Variants in SLC35B1 observed in about 807,000 individuals in gnomAD.
SLC35B1 encodes solute carrier family 35 member B1.
In SLC35B1, 27 loss-of-function variants were observed where a neutral mutation model predicts 36.6. That is an observed-to-expected ratio of 0.74 (90% CI 0.54 to 1.02). SLC35B1 has a LOEUF of 1.02. Among genes scored for constraint, SLC35B1 ranks in the 50% least tolerant of loss-of-function variants. The probability of loss-of-function intolerance (pLI) is 0.00; values close to 1 mark genes in which losing one functional copy is unlikely to be tolerated. For synonymous variants in SLC35B1, 162 were observed against 152.5 expected, an observed-to-expected ratio of 1.06 and a Z score of -0.46; for missense variants, 321 against 383.2, an observed-to-expected ratio of 0.84 and a Z score of 1.35.
At chr17:49,703,349 CACACA>C (rs2073376232) in intron 6 of SLC35B1, 55 bp from the exon 7 acceptor site, 2 of 7,534 alleles carry the variant, frequency 2.7e-4, no homozygotes, top group African/African-American at 1.8e-3. Context: ...AAAATGTGCG[CACACA>C]CACACACACA....
chr17:49,704,163 G>A lies in SLC35B1; in HGVS notation c.592C>T (p.Gln198Ter). ...AGCATCATGTGGTTGGAGCCTGTTTGGTAATGAGCCCGCATGTGGTCCTGG... is the reference window on the plus strand; with the variant it reads ...AGCATCATGTGGTTGGAGCCTGTTTAGTAATGAGCCCGCATGTGGTCCTGG... ...VSQDHMRAHY[Q>*]TGSNHMMLNI... The change falls in exon 6 of 9, where the codon CAA (glutamine) becomes TAA (stop). Residue 198 changes from glutamine to a stop codon, truncating the protein, a stop_gained. Transcript: ENST00000240333. LOFTEE classifies it high-confidence loss of function. 6.2e-7 allele frequency: 1 copy of A among 1,614,154 alleles called. No individual in the cohort carries two copies. The highest frequency in any genetic ancestry group is 8.5e-7 in the Non-Finnish European group (1 of 1,180,018).
At chr17:49,701,636 A>G (rs2073352327) in intron 8 of SLC35B1, 126 bp from the exon 9 acceptor site, 2 of 695,602 alleles carry the variant, frequency 2.9e-6, no homozygotes, top group Non-Finnish European at 5.1e-6. Context: ...TACATGTCAG[A>G]ACACTGGTTT....
At chr17:49,704,644 G>A (rs74841308) in intron 5 of SLC35B1, among the ~76,000 whole-genome samples, 3,779 of 152,238 alleles carry the variant, frequency 0.025, 152 homozygotes, top group African/African-American at 0.085. Flanking sequence ...ATGGGCAAGC[G>A]AGTTAACTTC....
chr17:49,702,605 G>A, intron 8 of SLC35B1: 2 of 379,898 alleles, frequency 5.3e-6, no homozygotes, highest in Admixed American at 3.8e-5. Flanking sequence ...GGTGGTGCAT[G>A]CCTGTAATCC....
intron 4 of SLC35B1, chr17:49,705,603 C>A (rs943792949): frequency 3.4e-6 from 2 of 593,982 alleles, no homozygotes; most frequent in African/African-American, 3.7e-5. Context: ...TGTCTAATGA[C>A]AATATAAACA....
upstream of SLC35B1, chr17:49,708,005 C>A: frequency 7.1e-7 from 1 of 1,408,208 alleles, no homozygotes; most frequent in South Asian, 1.3e-5. Flanking sequence ...ACTGCCGGCT[C>A]ATGGCTGCCA....
At chr17:49,707,214 TGCAAAA>T in intron 1 of SLC35B1, 146 bp from the exon 2 acceptor site, 1 of 1,355,010 alleles carries the variant, frequency 7.4e-7, no homozygotes, top group Non-Finnish European at 1.0e-6. Flanking sequence ...TAGGCTCATT[TGCAAAA>T]GGGGCTGATT....
chr17:49,707,560 A>C, intron 1 of SLC35B1, 170 bp downstream of exon 1: 1 of 1,477,982 alleles, frequency 6.8e-7, no homozygotes, highest in Non-Finnish European at 9.0e-7. Context: ...ATAATCCTGG[A>C]GTTCTGGAAT....
chr17:49,701,115 G>T lies in SLC35B1; in HGVS notation c.*343C>A. The T allele has an allele frequency of 4.5e-6, 1 of 221,066 alleles. No individual in the cohort carries two copies. The highest frequency in any genetic ancestry group is 9.2e-6 in the Non-Finnish European group (1 of 109,252). The allele number at this position is 221,066 out of a possible 1,614,324, so 13.7% of individuals were successfully genotyped here. A position where few individuals can be genotyped will look rare whatever the true frequency, so the allele number is the denominator to read the frequency against. ...ATTAGCACAATTCTGCGATCTCACAGAGTTCCTCCCTATAATCCTCAGGTT... is the reference window on the plus strand; with the variant it reads ...ATTAGCACAATTCTGCGATCTCACATAGTTCCTCCCTATAATCCTCAGGTT... On this transcript the variant is annotated 3_prime_UTR_variant, in exon 9 of 9. Coordinates refer to ENST00000240333, the MANE Select transcript of SLC35B1 (RefSeq NM_005827.4).
rs929804841 is a variant in SLC35B1, at chr17:49,705,916, A to G, written c.340-20T>C. The G allele has an allele frequency of 6.2e-7, 1 of 1,613,296 alleles. No homozygotes were observed. Among genetic ancestry groups the G allele is most frequent in the South Asian group, 1.1e-5 (1 of 91,056 alleles). ...AAGGACCTGAAATTAAATCCAGCAA[A>G]TAATTTCTGAGCATCTGTGATGTGT... On this transcript the variant is annotated intron_variant, in intron 3 of 8. Transcript: ENST00000240333.
Position 49,707,895 on chromosome 17 carries a change from G to A in SLC35B1, c.-62C>T. 3.1e-6 allele frequency: 5 copies of A among 1,598,150 alleles called. No individual in the cohort carries two copies. The highest frequency in any genetic ancestry group is 4.3e-6 in the Non-Finnish European group (5 of 1,173,214). Reference sequence around the variant, plus strand: ...AACCGGCACCGGCAGCAGCGGCGGCGGAGGCGACAGCTCCAGCCGGACATC... The same window carrying A: ...AACCGGCACCGGCAGCAGCGGCGGCAGAGGCGACAGCTCCAGCCGGACATC... On this transcript the variant is annotated 5_prime_UTR_variant, in exon 1 of 9. Coordinates refer to ENST00000240333, the MANE Select transcript of SLC35B1 (RefSeq NM_005827.4).
chr17:49,707,071 AGAAAT>A lies in SLC35B1; in HGVS notation c.105-8_105-4del, dbSNP rs1350669638. The stretch of plus-strand genomic sequence containing the variant: ...CTTCCCCATACTTTCCTCTTGTTCT[AGAAAT>A]GAAATGCATGAGAAAAGAGGGAGAA... On this transcript the variant is annotated splice_region_variant and splice_polypyrimidine_tract_variant and intron_variant, in intron 1 of 8. Transcript: ENST00000240333. 1.9e-6 allele frequency: 3 copies of A among 1,609,294 alleles called. No homozygotes were observed. The highest frequency in any genetic ancestry group is 2.6e-6 in the Non-Finnish European group (3 of 1,175,962).
In SLC35B1 at chr17:49,703,941, A is replaced by T. The variant is rs138955707; in HGVS notation, c.655+159T>A. On this transcript the variant is annotated intron_variant, in intron 6 of 8. Coordinates refer to ENST00000240333, the MANE Select transcript of SLC35B1 (RefSeq NM_005827.4). ...AGTAGCAAACAAATCCTGCTGGTGC[A>T]GGTTTTTCCAGGAAGGTTTCTCAAG... 6.3e-6 allele frequency: 5 copies of T among 799,698 alleles called. No homozygotes were observed. The African/African-American group carries it at 6.8e-5, about 11-fold the overall frequency. The allele number at this position is 799,698 out of a possible 1,614,324, so 49.5% of individuals were successfully genotyped here.
intron 7 of SLC35B1, 74 bp downstream of exon 7, chr17:49,703,114 C>T: frequency 1.3e-6 from 2 of 1,587,936 alleles, no homozygotes; most frequent in East Asian, 2.2e-5. Context: ...CCTCTTCTTC[C>T]AGCCAGGCCA....
chr17:49,707,564 C>A (rs1464498314), intron 1 of SLC35B1, 166 bp downstream of exon 1: 12 of 1,473,196 alleles, frequency 8.1e-6, no homozygotes, highest in Non-Finnish European at 1.1e-5. Flanking sequence ...TCCTGGAGTT[C>A]TGGAATTCTG....
intron 4 of SLC35B1, 61 bp from the exon 5 acceptor site, chr17:49,705,342 C>T (rs1598010754): frequency 6.7e-7 from 1 of 1,499,180 alleles, no homozygotes; most frequent in South Asian, 1.2e-5. Context: ...GACCCCAATG[C>T]CCTCCCTCCC....
rs1246561551 is a variant in SLC35B1 at position 49,707,951 on chromosome 17, T to C, written c.-118A>G. On this transcript the variant is annotated 5_prime_UTR_variant, in exon 1 of 9. Transcript: ENST00000240333. Reference sequence around the variant, plus strand: ...CCGGCGGCAGGGGCCTCATAGGAGCTGCATGCGACCGCTGTCCAGCAGGGC... The same window carrying C: ...CCGGCGGCAGGGGCCTCATAGGAGCCGCATGCGACCGCTGTCCAGCAGGGC... 2 of 1,551,170 alleles carry C rather than the reference T, an allele frequency of 1.3e-6. No homozygotes were observed. The highest frequency in any genetic ancestry group is 2.4e-5 in the East Asian group (1 of 41,376).
chr17:49,704,326 TG>T (rs2073388740), intron 5 of SLC35B1, 100 bp from the exon 6 acceptor site: 3 of 1,452,516 alleles, frequency 2.1e-6, no homozygotes, highest in Non-Finnish European at 2.8e-6. Context: ...GGAAAGCCAC[TG>T]CCTTTAAAGT....
chr17:49,702,916 G>A lies in SLC35B1; in HGVS notation c.858C>T (p.Ile286=). 1 of 1,614,122 alleles carries A rather than the reference G, an allele frequency of 6.2e-7. No homozygotes were observed. The highest frequency in any genetic ancestry group is 1.1e-5 in the South Asian group (1 of 91,070). The change falls in exon 8 of 9, where the codon ATC becomes ATT. Residue 286 remains isoleucine, a synonymous_variant. Coordinates refer to ENST00000240333, the MANE Select transcript of SLC35B1 (RefSeq NM_005827.4). ...TGGGGCTGATGGGATTGGCGAAGAGGATCACAGAGGCCAAAATTGTGAAGA... is the reference window on the plus strand; with the variant it reads ...TGGGGCTGATGGGATTGGCGAAGAGAATCACAGAGGCCAAAATTGTGAAGA... ...RKFFTILASV[I]LFANPISPMQ... is the part of the protein sequence containing the mutation.
Sources: gnomAD v4.1 joint callset for allele counts (sites outside exome capture counted in the v4.1 genomes callset) on GRCh38, gnomAD v4.1.1 for gene constraint, MANE v1.5 for transcripts, NCBI Gene and HGNC (gene_info 2026-07-23, HGNC 2026-07-21) for gene names.